The following CHD2 variants were observed in gnomAD, a reference collection of about 807,000 sequenced individuals.
CHD2 encodes the protein chromodomain helicase DNA binding protein 2, also known as ATP-dependent chromatin remodeler CHD2.
A neutral mutation model predicts 243.9 loss-of-function variants in CHD2; 28 were observed. That is an observed-to-expected ratio of 0.11 (90% CI 0.09 to 0.16). The LOEUF (loss-of-function observed/expected upper bound fraction) is 0.16. Ranked by LOEUF, CHD2 falls within the 10% of genes least tolerant of loss-of-function variation. The probability of loss-of-function intolerance (pLI) is 1.00; values close to 1 mark genes in which losing one functional copy is unlikely to be tolerated. For missense variants in CHD2, 1,386 were observed against 2,209.8 expected (o/e 0.63, Z 7.47); for synonymous variants, 775 against 779.0 (o/e 0.99, Z 0.09).
intron 5 of CHD2, among the ~76,000 whole-genome samples, chr15:92,932,304 T>A (rs911759776): frequency 1.3e-5 from 2 of 151,758 alleles, no homozygotes; most frequent in Non-Finnish European, 1.5e-5. Context: ...TTTTTTTTTT[T>A]AATTGTACTT....
chr15:92,901,843 A>C (rs1251174280), intron 2 of CHD2: 1 of 263,724 alleles, frequency 3.8e-6, no homozygotes, highest in Non-Finnish European at 7.0e-6. Flanking sequence ...GATGCCTCTC[A>C]GTTTATATTT....
chr15:92,967,195 C>A, intron 16 of CHD2, 130 bp from the exon 17 acceptor site: 2 of 583,118 alleles, frequency 3.4e-6, no homozygotes, highest in Non-Finnish European at 2.9e-6. Flanking sequence ...TTTTGTTTTC[C>A]CTTCTATTTA....
intron 28 of CHD2, among the ~76,000 whole-genome samples, chr15:92,994,248 A>C (rs959175607): frequency 6.6e-6 from 1 of 152,232 alleles, no homozygotes; most frequent in Non-Finnish European, 1.5e-5. Flanking sequence ...ATAGAGTAAT[A>C]GTATCTACTT....
At chr15:92,951,356 A>C (rs2053552347) in intron 13 of CHD2, among the ~76,000 whole-genome samples, 1 of 151,990 alleles carries the variant, frequency 6.6e-6, no homozygotes, top group African/African-American at 2.4e-5. Context: ...TTTTTAGTAG[A>C]GACGGGGTTT....
chr15:92,911,618 A>T (rs1188037980), intron 2 of CHD2, among the ~76,000 whole-genome samples: 1 of 152,010 alleles, frequency 6.6e-6, no homozygotes, highest in Admixed American at 6.6e-5. Context: ...CACTCCTGTA[A>T]TACCGGCTAT....
intron 4 of CHD2, 53 bp from the exon 5 acceptor site, chr15:92,928,977 G>A (rs970889993): frequency 6.5e-6 from 10 of 1,541,332 alleles, no homozygotes; most frequent in South Asian, 2.3e-5. Flanking sequence ...GTGTTGTCCC[G>A]AAGAACTGTG....
intron 20 of CHD2, among the ~76,000 whole-genome samples, chr15:92,976,962 A>G (rs988308194): frequency 6.6e-6 from 1 of 151,060 alleles, no homozygotes; most frequent in Non-Finnish European, 1.5e-5. Flanking sequence ...CCATTTATTT[A>G]TTTAACTACC....
At chr15:92,976,731 T>A (rs994529592) in intron 20 of CHD2, among the ~76,000 whole-genome samples, 4 of 151,180 alleles carry the variant, frequency 2.6e-5, no homozygotes, top group African/African-American at 9.7e-5. Flanking sequence ...CAAGACCCTA[T>A]CTCTACAAAA....
intron 27 of CHD2, among the ~76,000 whole-genome samples, chr15:92,992,304 C>T (rs981082479): frequency 2.6e-5 from 4 of 152,182 alleles, no homozygotes; most frequent in Admixed American, 1.3e-4. Context: ...GGTAGACTGT[C>T]TGTTTTTGGG....
intron 2 of CHD2, among the ~76,000 whole-genome samples, chr15:92,914,793 A>G (rs571988456): frequency 4.6e-5 from 7 of 152,346 alleles, no homozygotes; most frequent in Admixed American, 3.3e-4. Context: ...GTAGCACCCC[A>G]TCTATAAAAA....
Position 93,014,950 on chromosome 15 carries a change from A to G in CHD2, c.4906+41A>G, listed in dbSNP as rs76947788. On this transcript the variant is annotated intron_variant, in intron 37 of 38. Coordinates refer to ENST00000394196, the MANE Select transcript of CHD2 (RefSeq NM_001271.4). ...GAGTTTTTAAAAGAGGTGCCAAAAG[A>G]TAAAAAATTCACACAGCCGTTTCAT... is the stretch of plus-strand genomic sequence containing the variant. The G allele has an allele frequency of 1.4e-3, 2,141 of 1,547,282 alleles. 22 individuals are homozygous for G. In the African/African-American group the frequency reaches 0.026, roughly 19 times the overall value.
chr15:92,984,649 A>T (rs1249734333), intron 25 of CHD2, 149 bp downstream of exon 25: 1 of 661,684 alleles, frequency 1.5e-6, no homozygotes, highest in African/African-American at 1.9e-5. Context: ...TTAACAAAGG[A>T]AAGTGGAGAA....
At chr15:92,973,185 A>G (rs1468415192) in intron 19 of CHD2, among the ~76,000 whole-genome samples, 1 of 151,778 alleles carries the variant, frequency 6.6e-6, no homozygotes. Context: ...AAACCTTGCT[A>G]CTCCCTGAAG....
At chr15:92,981,772 A>G (rs930751728) in intron 24 of CHD2, among the ~76,000 whole-genome samples, 5 of 152,214 alleles carry the variant, frequency 3.3e-5, no homozygotes, top group Admixed American at 6.5e-5. Context: ...GGACACGTCA[A>G]TAGATCAGAT....
At chr15:92,905,264 G>C (rs1234401647) in intron 2 of CHD2, among the ~76,000 whole-genome samples, 1 of 152,102 alleles carries the variant, frequency 6.6e-6, no homozygotes. Flanking sequence ...CCTCCATTTC[G>C]GGAATTCTGA....
intron 33 of CHD2, among the ~76,000 whole-genome samples, chr15:93,003,050 T>C (rs1197079419): frequency 6.6e-6 from 1 of 152,208 alleles, no homozygotes; most frequent in Non-Finnish European, 1.5e-5. Context: ...ATCACAACTT[T>C]CCAAGTGATT....
At position 92,944,447 on chromosome 15, in the gene CHD2, A is replaced by G. The variant is rs1242610831; in HGVS notation, c.1085A>G (p.Tyr362Cys). ...LGKVSPEDVE[Y>C]FNCQQELASE... is the part of the protein sequence containing the mutation. The stretch of plus-strand genomic sequence containing the variant: ...AAAGTTTCTCCTGAAGATGTAGAAT[A>G]TTTCAATTGCCAACAGGAGCTGGCT... Residue 362 changes from tyrosine to cysteine, a missense_variant, in exon 10 of 39, where the codon TAT becomes TGT. This residue lies in a region of CHD2 where 200 missense variants were observed against 292.5 expected (regional missense o/e 0.68). Transcript: ENST00000394196. 1 of 1,610,642 alleles carries G rather than the reference A, an allele frequency of 6.2e-7. No homozygotes were observed.
intron 13 of CHD2, among the ~76,000 whole-genome samples, chr15:92,952,308 A>G (rs1474325556): frequency 1.3e-5 from 2 of 152,036 alleles, no homozygotes; most frequent in Non-Finnish European, 1.5e-5. Context: ...GTGGAAGACA[A>G]TTTTTCCACA....
intron 7 of CHD2, among the ~76,000 whole-genome samples, chr15:92,940,103 A>G (rs1376695141): frequency 6.6e-6 from 1 of 152,214 alleles, no homozygotes; most frequent in African/African-American, 2.4e-5. Context: ...ACGTATTGCT[A>G]CTTGAATCTG....
Sources: allele counts gnomAD v4.1 joint callset (sites outside exome capture counted in the v4.1 genomes callset), GRCh38; gene constraint gnomAD v4.1.1; regional missense constraint gnomAD v4.1.1; transcripts MANE v1.5; gene names NCBI Gene and HGNC (gene_info 2026-07-23, HGNC 2026-07-21).